ANKRD42: variants seen among roughly 807,000 people sequenced by gnomAD.
ANKRD42 encodes ankyrin repeat domain 42.
In ANKRD42, 43 loss-of-function variants were observed where a neutral mutation model predicts 51.5. The ratio of observed to expected loss-of-function variants is 0.83; its 90% CI spans 0.65 to 1.08. The LOEUF (loss-of-function observed/expected upper bound fraction) is 1.08, where lower values mean the gene tolerates loss of function less well. ANKRD42 is among the 50% of genes least tolerant of loss of function. The probability of loss-of-function intolerance (pLI) is 0.00; values close to 1 mark genes in which losing one functional copy is unlikely to be tolerated. For missense variants in ANKRD42, 608 were observed against 629.3 expected, an observed-to-expected ratio of 0.97 and a Z score of 0.36; for synonymous variants, 203 against 213.0, an observed-to-expected ratio of 0.95 and a Z score of 0.41.
intron 2 of ANKRD42, among the ~76,000 whole-genome samples, chr11:83,200,800 C>A (rs1861839067): frequency 6.6e-6 from 1 of 152,128 alleles, no homozygotes; most frequent in African/African-American, 2.4e-5. Flanking sequence ...TTCCTTAAAA[C>A]CCTGTAGTAA....
intron 3 of ANKRD42, chr11:83,209,615 C>G (rs1352395384): frequency 1.2e-6 from 1 of 860,882 alleles, no homozygotes; most frequent in African/African-American, 1.7e-5. Context: ...CCGGTGCCCA[C>G]TACCCAAGAA....
downstream of ANKRD42, among the ~76,000 whole-genome samples, chr11:83,250,846 G>A (rs1209289735): frequency 3.3e-5 from 5 of 152,142 alleles, no homozygotes; most frequent in African/African-American, 9.7e-5. Flanking sequence ...CCATCCTGTA[G>A]GTAGGAACAT....
chr11:83,205,347 A>G (rs1862029845), intron 2 of ANKRD42, among the ~76,000 whole-genome samples: 1 of 152,214 alleles, frequency 6.6e-6, no homozygotes, highest in South Asian at 2.1e-4. Context: ...GCTGCAGGAA[A>G]ATGATATTTA....
At chr11:83,218,194 G>A (rs564207809) in intron 5 of ANKRD42, among the ~76,000 whole-genome samples, 67 of 152,270 alleles carry the variant, frequency 4.4e-4, no homozygotes, top group African/African-American at 1.3e-3. Flanking sequence ...ATAACATTGC[G>A]TAGTTCATAG....
intron 10 of ANKRD42, 66 bp downstream of exon 10, chr11:83,245,690 T>C (rs1039127394): frequency 6.9e-7 from 1 of 1,452,014 alleles, no homozygotes; most frequent in East Asian, 2.5e-5. Flanking sequence ...TGAGGGTTTG[T>C]TGATCAGCAA....
intron 10 of ANKRD42, 80 bp from the exon 11 acceptor site, chr11:83,247,863 T>G: frequency 1.7e-6 from 2 of 1,181,752 alleles, no homozygotes; most frequent in Non-Finnish European, 1.2e-6. Context: ...TTAAATACAA[T>G]GTATGAATGC....
intron 5 of ANKRD42, among the ~76,000 whole-genome samples, chr11:83,222,899 C>T (rs1301992982): frequency 6.6e-6 from 1 of 152,080 alleles, no homozygotes; most frequent in Non-Finnish European, 1.5e-5. Flanking sequence ...GCCACCATGC[C>T]CAGCTTTATT....
At chr11:83,209,879 A>C in intron 3 of ANKRD42, 1 of 459,538 alleles carries the variant, frequency 2.2e-6, no homozygotes, top group East Asian at 4.4e-5. Context: ...CCCAGAAGCC[A>C]CGATGTTGTC....
chr11:83,214,916 A>T (rs144250085), intron 5 of ANKRD42: 2 of 152,326 alleles, frequency 1.3e-5, no homozygotes, highest in East Asian at 3.9e-4. Context: ...TCGCCAATCA[A>T]TCTACTCTCT....
chr11:83,247,829 A>T, intron 10 of ANKRD42, 114 bp from the exon 11 acceptor site: 1 of 926,812 alleles, frequency 1.1e-6, no homozygotes, highest in East Asian at 2.6e-5. Context: ...TTGTTGAATA[A>T]ATGATTTCTT....
At chr11:83,254,964 C>T (rs1241513670) in intron 11 of ANKRD42, among the ~76,000 whole-genome samples, 1 of 152,174 alleles carries the variant, frequency 6.6e-6, no homozygotes, top group Non-Finnish European at 1.5e-5. Flanking sequence ...TGGGAGGGAC[C>T]AGATGCATGG....
intron 9 of ANKRD42, among the ~76,000 whole-genome samples, chr11:83,243,087 C>T (rs1232269496): frequency 6.6e-6 from 1 of 152,114 alleles, no homozygotes; most frequent in African/African-American, 2.4e-5. Flanking sequence ...CTTTACACTC[C>T]CACCAGCAGT....
rs1590983836 is a variant in ANKRD42, at chr11:83,218,359, C to T, written c.587-6496C>T. On this transcript the variant is annotated intron_variant, in intron 5 of 10. Coordinates refer to ENST00000533342, the MANE Select transcript of ANKRD42 (RefSeq NM_001300975.2). ...TTTTTCCTTTTCCTCCAGGGTCATT[C>T]GATCATTTACCTGGCTGAGATACCA... Among the ~76,000 whole-genome samples, 4 of 152,236 alleles carry T rather than the reference C, an allele frequency of 2.6e-5. No homozygotes were observed. The South Asian group carries it at 8.3e-4, about 32-fold the overall frequency.
intron 5 of ANKRD42, among the ~76,000 whole-genome samples, chr11:83,219,477 C>T (rs949168878): frequency 5.9e-5 from 9 of 152,106 alleles, no homozygotes; most frequent in Non-Finnish European, 7.4e-5. Flanking sequence ...TGACAGGAGG[C>T]GTATAGTAAG....
At chr11:83,251,807 CAT>C (rs1863679738), downstream of ANKRD42, among the ~76,000 whole-genome samples, 1 of 152,010 alleles carries the variant, frequency 6.6e-6, no homozygotes, top group African/African-American at 2.4e-5. Flanking sequence ...TAAGTTCAAA[CAT>C]ATATTTCAAG....
intron 6 of ANKRD42, 55 bp downstream of exon 6, chr11:83,225,110 A>G (rs768352348): frequency 1.1e-4 from 165 of 1,458,102 alleles, no homozygotes; most frequent in Non-Finnish European, 1.4e-4. Flanking sequence ...TGATGATGAT[A>G]ATATAATGAG....
At chr11:83,226,696 C>T (rs1862896582) in intron 6 of ANKRD42, among the ~76,000 whole-genome samples, 1 of 152,122 alleles carries the variant, frequency 6.6e-6, no homozygotes, top group Non-Finnish European at 1.5e-5. Flanking sequence ...TCCCTGTAAT[C>T]CTAGCTACCC....
At chr11:83,251,751 A>C (rs941425819), downstream of ANKRD42, among the ~76,000 whole-genome samples, 1 of 152,198 alleles carries the variant, frequency 6.6e-6, no homozygotes, top group African/African-American at 2.4e-5. Context: ...TAATTTACTT[A>C]TGAAAACTTA....
At chr11:83,212,491 A>G (rs759524066) in intron 5 of ANKRD42, among the ~76,000 whole-genome samples, 1 of 152,242 alleles carries the variant, frequency 6.6e-6, no homozygotes, top group East Asian at 1.9e-4. Flanking sequence ...GTGGAGACTT[A>G]GACTCCACCT....
Sources: allele counts gnomAD v4.1 joint callset (sites outside exome capture counted in the v4.1 genomes callset), GRCh38; gene constraint gnomAD v4.1.1; transcripts MANE v1.5; gene names NCBI Gene and HGNC (gene_info 2026-07-23, HGNC 2026-07-21).